Variants in CDH4 observed in about 807,000 individuals in gnomAD.
The protein encoded by CDH4 is cadherin 4.
Under a neutral mutation model 86.0 loss-of-function variants are expected in CDH4, and 33 were observed. The ratio of observed to expected loss-of-function variants is 0.38; its 90% CI spans 0.29 to 0.51. CDH4 has a LOEUF of 0.51. CDH4 is among the 20% of genes least tolerant of loss of function. The probability of loss-of-function intolerance (pLI) is 0.86; values close to 1 mark genes in which losing one functional copy is unlikely to be tolerated. For synonymous variants in CDH4, 555 were observed against 549.4 expected, an observed-to-expected ratio of 1.01 and a Z score of -0.14; for missense variants, 1,114 against 1,307.4, an observed-to-expected ratio of 0.85 and a Z score of 2.28.
intron 2 of CDH4, among the ~76,000 whole-genome samples, chr20:61,694,191 CAT>C (rs1161589100): frequency 6.6e-6 from 1 of 152,118 alleles, no homozygotes; most frequent in African/African-American, 2.4e-5. Context: ...CCCAGACACT[CAT>C]AAAGGCACCG....
chr20:61,714,630 G>A (rs2087932589), intron 2 of CDH4, among the ~76,000 whole-genome samples: 2 of 152,138 alleles, frequency 1.3e-5, no homozygotes, highest in Admixed American at 1.3e-4. Flanking sequence ...CCCTAGCTCA[G>A]CTCCCACTTA....
intron 5 of CDH4, among the ~76,000 whole-genome samples, chr20:61,847,283 A>G (rs1982503354): frequency 6.6e-6 from 1 of 152,144 alleles, no homozygotes; most frequent in South Asian, 2.1e-4. Flanking sequence ...TGCCCCCTTC[A>G]TGCACCTTGA....
intron 2 of CDH4, among the ~76,000 whole-genome samples, chr20:61,554,375 C>G (rs571469699): frequency 6.6e-6 from 1 of 152,330 alleles, no homozygotes; most frequent in South Asian, 2.1e-4. Flanking sequence ...GGCAAAGACC[C>G]AGAGCCACAG....
At chr20:61,771,687 T>C (rs1430615027) in intron 3 of CDH4, among the ~76,000 whole-genome samples, 5 of 152,062 alleles carry the variant, frequency 3.3e-5, no homozygotes, top group Admixed American at 3.3e-4. Flanking sequence ...TTGGTGCTAT[T>C]TCTCCACTTA....
At chr20:61,511,253 G>C (rs78706863) in intron 2 of CDH4, among the ~76,000 whole-genome samples, 3,023 of 152,304 alleles carry the variant, frequency 0.02, 93 homozygotes, top group African/African-American at 0.069. Flanking sequence ...ATCACCTGGG[G>C]AGTGTCAGCC....
intron 2 of CDH4, among the ~76,000 whole-genome samples, chr20:61,505,249 C>T (rs2427141): frequency 0.49 from 74,989 of 151,896 alleles, 18,790 homozygotes; most frequent in Admixed American, 0.59. Flanking sequence ...AGAGCAGCAC[C>T]GTCATCAGCC....
intron 3 of CDH4, among the ~76,000 whole-genome samples, chr20:61,760,438 T>C (rs1282689516): frequency 6.6e-6 from 1 of 152,038 alleles, no homozygotes; most frequent in East Asian, 1.9e-4. Context: ...CTGTGTCCTG[T>C]GAGAGGAGGA....
rs540619277 is a variant in CDH4 at position 61,598,861 on chromosome 20, G to A, written c.170-144702G>A. Reference sequence around the variant, plus strand: ...CCCTTCCCTACTGCAGGCACTGCCCGCCAAGCTTCCCTGGATGGCTCCTCC... The same window carrying A: ...CCCTTCCCTACTGCAGGCACTGCCCACCAAGCTTCCCTGGATGGCTCCTCC... On this transcript the variant is annotated intron_variant, in intron 2 of 15. Transcript: ENST00000614565. 1.9e-3 allele frequency among the ~76,000 whole-genome samples: 284 copies of A among 152,290 alleles called. 2 individuals carry two copies. The highest frequency in any genetic ancestry group is 6.2e-3 in the African/African-American group (258 of 41,578).
At chr20:61,561,108 A>T (rs2086213709) in intron 2 of CDH4, among the ~76,000 whole-genome samples, 1 of 152,138 alleles carries the variant, frequency 6.6e-6, no homozygotes, top group South Asian at 2.1e-4. Context: ...TGCTTTCCAC[A>T]TAGCTGTCCC....
At chr20:61,481,888 T>C (rs912185307) in intron 2 of CDH4, among the ~76,000 whole-genome samples, 27 of 152,228 alleles carry the variant, frequency 1.8e-4, no homozygotes, top group African/African-American at 6.3e-4. Flanking sequence ...TATTCCCCCA[T>C]AGCATATGTT....
chr20:61,284,265 G>A (rs1167174241), intron 2 of CDH4, among the ~76,000 whole-genome samples: 1 of 152,044 alleles, frequency 6.6e-6, no homozygotes, highest in Non-Finnish European at 1.5e-5. Flanking sequence ...AGTGAGCTGA[G>A]ATTGCACCAC....
At chr20:61,638,516 T>C (rs2086972393) in intron 2 of CDH4, among the ~76,000 whole-genome samples, 2 of 152,050 alleles carry the variant, frequency 1.3e-5, no homozygotes, top group Admixed American at 1.3e-4. Flanking sequence ...GGAAGTATAA[T>C]GGATGGAGGA....
intron 2 of CDH4, among the ~76,000 whole-genome samples, chr20:61,363,131 C>CA (rs2084793395): frequency 6.6e-6 from 1 of 152,134 alleles, no homozygotes; most frequent in Admixed American, 6.5e-5. Context: ...GTCTGGGTTC[C>CA]AGGACAGCTG....
At chr20:61,589,440 G>T (rs1298421982) in intron 2 of CDH4, among the ~76,000 whole-genome samples, 1 of 152,164 alleles carries the variant, frequency 6.6e-6, no homozygotes, top group Non-Finnish European at 1.5e-5. Context: ...ACTTCACTTT[G>T]TTTCTAATGT....
At chr20:61,463,296 G>C (rs1246408240) in intron 2 of CDH4, among the ~76,000 whole-genome samples, 2 of 152,168 alleles carry the variant, frequency 1.3e-5, no homozygotes, top group African/African-American at 4.8e-5. Context: ...ACCGGGGCAG[G>C]AGTAGGCAGG....
intron 2 of CDH4, among the ~76,000 whole-genome samples, chr20:61,317,108 G>A (rs1345574324): frequency 1.3e-5 from 2 of 151,948 alleles, no homozygotes; most frequent in African/African-American, 4.8e-5. Flanking sequence ...GCCAGGTGCG[G>A]TGGCTCATGC....
At chr20:61,760,872 T>G (rs59456535) in intron 3 of CDH4, among the ~76,000 whole-genome samples, 1 of 152,218 alleles carries the variant, frequency 6.6e-6, no homozygotes, top group Non-Finnish European at 1.5e-5. Context: ...ACTAAGTGCC[T>G]TTTCGGAATG....
At chr20:61,780,184 G>A (rs1378985295) in intron 4 of CDH4, among the ~76,000 whole-genome samples, 9 of 152,114 alleles carry the variant, frequency 5.9e-5, no homozygotes, top group Non-Finnish European at 7.4e-5. Flanking sequence ...CTGGTGGCTC[G>A]TAGCTTCCAG....
intron 3 of CDH4, among the ~76,000 whole-genome samples, chr20:61,768,350 A>G (rs1285145430): frequency 6.6e-6 from 1 of 152,158 alleles, no homozygotes; most frequent in Non-Finnish European, 1.5e-5. Flanking sequence ...GCATTCATAT[A>G]TATCTATATG....
Sources: gnomAD v4.1 joint callset for allele counts (sites outside exome capture counted in the v4.1 genomes callset) on GRCh38, gnomAD v4.1.1 for gene constraint, MANE v1.5 for transcripts, NCBI Gene and HGNC (gene_info 2026-07-23, HGNC 2026-07-21) for gene names.